PEX16: variants seen among roughly 807,000 people sequenced by gnomAD.
PEX16 encodes the protein peroxin 16.
PEX16 carries 37 observed loss-of-function variants against 50.5 expected under a neutral mutation model. That is an observed-to-expected ratio of 0.73 (90% confidence interval 0.56 to 0.96). The LOEUF (loss-of-function observed/expected upper bound fraction) is 0.96. Among genes scored for constraint, PEX16 ranks in the 40% least tolerant of loss-of-function variants. PEX16 has a pLI of 0.00. For missense variants in PEX16, 401 were observed against 438.3 expected (o/e 0.91, Z 0.76); for synonymous variants, 185 against 190.3 (o/e 0.97, Z 0.23).
chr11:45,917,992 C>T (rs182089309), upstream of PEX16: 757 of 668,470 alleles, frequency 1.1e-3, 7 homozygotes, highest in African/African-American at 0.012. Context: ...TCTCTTGAAC[C>T]GCTTCCCACT....
chr11:45,911,745 C>T (rs766239104), intron 9 of PEX16, among the ~76,000 whole-genome samples: 4 of 152,162 alleles, frequency 2.6e-5, no homozygotes, highest in Admixed American at 6.5e-5. Flanking sequence ...GCCTGGGGGC[C>T]GGGTGTGGTG....
At position 45,909,754 on chromosome 11, in the gene PEX16, G is replaced by A. The variant is rs918423636; in HGVS notation, c.*500C>T. 4.3e-5 allele frequency: 18 copies of A among 415,022 alleles called. No homozygotes were observed. Among genetic ancestry groups the A allele is most frequent in the South Asian group, 4.2e-4 (15 of 35,578 alleles). The allele number at this position is 415,022 out of a possible 1,614,324, so 25.7% of individuals were successfully genotyped here. A position where few individuals can be genotyped will look rare whatever the true frequency, so the allele number is the denominator to read the frequency against. ...GGGAGCCAGGCTCACTGTTCACCAGGCTCTGTCACAGGGAGGCTGGCAACG... is the reference window on the plus strand; with the variant it reads ...GGGAGCCAGGCTCACTGTTCACCAGACTCTGTCACAGGGAGGCTGGCAACG... On this transcript the variant is annotated 3_prime_UTR_variant, in exon 11 of 11. Coordinates refer to ENST00000378750, the MANE Select transcript of PEX16 (RefSeq NM_004813.4).
At chr11:45,914,264 C>T in intron 7 of PEX16, 52 bp downstream of exon 7, 1 of 1,613,650 alleles carries the variant, frequency 6.2e-7, no homozygotes, top group Non-Finnish European at 8.5e-7. Flanking sequence ...ACACTCCCCA[C>T]TCAATCCCCA....
intron 2 of PEX16, 33 bp downstream of exon 2, chr11:45,917,424 AT>A: frequency 6.8e-6 from 11 of 1,609,296 alleles, no homozygotes; most frequent in Non-Finnish European, 9.4e-6. Context: ...CAGGCAGCCG[AT>A]CCCCCATCCC....
At chr11:45,912,551 T>C (rs1053000428) in intron 9 of PEX16, among the ~76,000 whole-genome samples, 1 of 152,034 alleles carries the variant, frequency 6.6e-6, no homozygotes, top group African/African-American at 2.4e-5. Context: ...TCACCCAGAC[T>C]GGAGTGCAGT....
chr11:45,912,236 C>T (rs1219251241), intron 9 of PEX16, among the ~76,000 whole-genome samples: 4 of 152,034 alleles, frequency 2.6e-5, no homozygotes, highest in Non-Finnish European at 4.4e-5. Context: ...CGGTGGCTCA[C>T]GCCTGTAATC....
At position 45,916,287 on chromosome 11, in the gene PEX16, G is replaced by C. The variant is rs746381331; in HGVS notation, c.165C>G (p.Asn55Lys). 10 of 1,613,946 alleles carry C rather than the reference G, an allele frequency of 6.2e-6. No homozygotes were observed. Among genetic ancestry groups the C allele is most frequent in the Non-Finnish European group, 8.5e-6 (10 of 1,179,990 alleles). The change falls in exon 3 of 11, where the codon AAC becomes AAG. Residue 55 changes from asparagine to lysine, a missense_variant. By Grantham distance (94) the Asn-to-Lys change is moderately conservative (BLOSUM62 0). Transcript: ENST00000378750. ...TCCCGTCATTGAGCAGCACAAGCAGGTTAGAGGCAGAGTACACTGAGGGGT... is the reference window on the plus strand; with the variant it reads ...TCCCGTCATTGAGCAGCACAAGCAGCTTAGAGGCAGAGTACACTGAGGGGT... ...ELSELVYSASNLLVLLNDGIL... is the reference protein window; with the variant it reads ...ELSELVYSASKLLVLLNDGIL...
At chr11:45,914,009 G>A in intron 8 of PEX16, 71 bp from the exon 9 acceptor site, 1 of 1,602,422 alleles carries the variant, frequency 6.2e-7, no homozygotes, top group Non-Finnish European at 8.5e-7. Flanking sequence ...GGAGCCATGG[G>A]CTGGGTGTCC....
At chr11:45,911,862 A>G (rs1043382374) in intron 9 of PEX16, 1 of 151,684 alleles carries the variant, frequency 6.6e-6, no homozygotes, top group African/African-American at 2.4e-5. Context: ...CATCTCTACT[A>G]AAAAATACAA....
Position 45,914,166 on chromosome 11 carries a change from T to A in PEX16, c.732A>T (p.Lys244Asn). 6.2e-7 allele frequency: 1 copy of A among 1,609,710 alleles called. No individual in the cohort carries two copies. The change falls in exon 8 of 11, where the codon AAA becomes AAT. Residue 244 changes from lysine to asparagine, a missense_variant. Coordinates refer to ENST00000378750, the MANE Select transcript of PEX16 (RefSeq NM_004813.4). ...CCACAACACCAGCCAAGAGCCAGGG[T>A]TTCCACGACCTCTGACCCCACAGGC... ...SLGLWGQRSW[K>N]PWLLAGVVDV...
chr11:45,910,917 A>G lies in PEX16; in HGVS notation c.933T>C (p.Pro311=). Reference sequence around the variant, plus strand: ...GCTTACTTGTGACCAGGCCAACGCCAGGGACGTGGTCGGCCAGCAACTGGA... The same window carrying G: ...GCTTACTTGTGACCAGGCCAACGCCGGGGACGTGGTCGGCCAGCAACTGGA... ...FLLQLLADHV[P]GVGLVTRPLM... The change falls in exon 10 of 11, where the codon CCT becomes CCC. Residue 311 remains proline, a synonymous_variant. Coordinates refer to ENST00000378750, the MANE Select transcript of PEX16 (RefSeq NM_004813.4). 1 of 1,613,650 alleles carries G rather than the reference A, an allele frequency of 6.2e-7. No individual in the cohort carries two copies. The highest frequency in any genetic ancestry group is 1.1e-5 in the South Asian group (1 of 91,080).
upstream of PEX16, chr11:45,918,062 T>C: frequency 1.8e-6 from 1 of 567,812 alleles, no homozygotes; most frequent in Non-Finnish European, 3.2e-6. Context: ...AAGTCATTGG[T>C]TAGCACGCTC....
intron 9 of PEX16, among the ~76,000 whole-genome samples, chr11:45,911,360 C>CA (rs959991984): frequency 1.5e-4 from 23 of 152,248 alleles, no homozygotes; most frequent in Admixed American, 2.6e-4. Flanking sequence ...TGCTGGGCTG[C>CA]ATGGAAACCT....
At chr11:45,910,814 T>C in intron 10 of PEX16, 84 bp downstream of exon 10, 1 of 1,221,944 alleles carries the variant, frequency 8.2e-7, no homozygotes. Context: ...AGAATCAAAT[T>C]GCAAGGAGAC....
At chr11:45,910,783 C>A (rs1322882665) in intron 10 of PEX16, 115 bp downstream of exon 10, 5 of 1,081,694 alleles carry the variant, frequency 4.6e-6, no homozygotes, top group Non-Finnish European at 7.2e-6. Flanking sequence ...GACTTCCCGA[C>A]TTCCTCTCCT....
chr11:45,915,480 C>T lies in PEX16; in HGVS notation c.448G>A (p.Ala150Thr). 1 of 1,614,038 alleles carries T rather than the reference C, an allele frequency of 6.2e-7. No homozygotes were observed. The highest frequency in any genetic ancestry group is 8.5e-7 in the Non-Finnish European group (1 of 1,179,900). Residue 150 changes from alanine (A) to threonine (T), a missense_variant, in exon 5 of 11, where the codon GCA becomes ACA. Physicochemically the swap from Ala to Thr is moderately conservative, Grantham distance 58. Transcript: ENST00000378750. ...PIVPLDRETQ[A>T]QPPDGDHSPG... ...GGAAGTAGCTCACCCGGGGGCTGTG[C>T]CTGGGTCTCTCTGTCCAGTGGAACG...
intron 5 of PEX16, 76 bp from the exon 6 acceptor site, chr11:45,914,760 G>T: frequency 8.3e-7 from 1 of 1,197,794 alleles, no homozygotes. Flanking sequence ...CGTGTGCAGT[G>T]AATGCTCAGG....
chr11:45,912,921 G>A (rs1194579585), intron 9 of PEX16, among the ~76,000 whole-genome samples: 2 of 151,992 alleles, frequency 1.3e-5, no homozygotes, highest in East Asian at 1.9e-4. Flanking sequence ...CAGCCTCCTG[G>A]CCTGATCCTC....
Position 45,909,894 on chromosome 11 carries a change from G to A in PEX16, c.*360C>T. The A allele has an allele frequency of 1.6e-6, 1 of 615,954 alleles. No individual in the cohort carries two copies. The highest frequency in any genetic ancestry group is 2.9e-6 in the Non-Finnish European group (1 of 342,824). The allele number at this position is 615,954 out of a possible 1,614,324, so 38.2% of individuals were successfully genotyped here. On this transcript the variant is annotated 3_prime_UTR_variant, in exon 11 of 11. Transcript: ENST00000378750. ...GCCATCACCCGGGTTCAGGCTTCCT[G>A]TCCTCACCAGGGGCCAGCGAGAGAG...
Sources: gnomAD v4.1 joint callset for allele counts (sites outside exome capture counted in the v4.1 genomes callset) on GRCh38, gnomAD v4.1.1 for gene constraint, MANE v1.5 for transcripts, NCBI Gene and HGNC (gene_info 2026-07-23, HGNC 2026-07-21) for gene names.